The following HDGFL3 variants were observed in gnomAD, a reference collection of about 807,000 sequenced individuals.
HDGFL3 encodes the protein hepatoma-derived growth factor-related protein 3.
Under a neutral mutation model 27.6 loss-of-function variants are expected in HDGFL3, and 6 were observed. The observed-to-expected ratio is 0.22, with a 90% CI of 0.12 to 0.43. The LOEUF is 0.43. HDGFL3 is among the 20% of genes least tolerant of loss of function. HDGFL3 has a pLI of 1.00. For synonymous variants in HDGFL3, 88 were observed against 88.9 expected (o/e 0.99, Z 0.05); for missense variants, 207 against 250.1 (o/e 0.83, Z 1.16).
At chr15:83,172,348 C>T (rs925287721) in intron 1 of HDGFL3, among the ~76,000 whole-genome samples, 1 of 152,150 alleles carries the variant, frequency 6.6e-6, no homozygotes, top group Non-Finnish European at 1.5e-5. Flanking sequence ...ATAAATTTCA[C>T]AATTCATCCT....
At chr15:83,145,462 C>T (rs1165272290) in intron 5 of HDGFL3, among the ~76,000 whole-genome samples, 1 of 152,196 alleles carries the variant, frequency 6.6e-6, no homozygotes, top group Non-Finnish European at 1.5e-5. Context: ...CTGTAACCCT[C>T]TCAAATGGTA....
chr15:83,151,001 T>A (rs1038623423), intron 5 of HDGFL3, among the ~76,000 whole-genome samples: 1 of 152,184 alleles, frequency 6.6e-6, no homozygotes, highest in Non-Finnish European at 1.5e-5. Flanking sequence ...TTCATAGAGA[T>A]CCAAATTGAC....
chr15:83,153,788 A>C (rs1027366150), intron 4 of HDGFL3, among the ~76,000 whole-genome samples: 2 of 152,168 alleles, frequency 1.3e-5, no homozygotes, highest in African/African-American at 4.8e-5. Flanking sequence ...CTCAAATATG[A>C]ATAATCCATA....
At chr15:83,121,935 C>A in intron 3 of HDGFL3, 1 of 1,607,572 alleles carries the variant, frequency 6.2e-7, no homozygotes, top group Non-Finnish European at 8.5e-7. Flanking sequence ...ACTTATAGAA[C>A]CATTGGCCTA....
intron 5 of HDGFL3, among the ~76,000 whole-genome samples, chr15:83,140,703 A>C (rs1476803410): frequency 6.6e-6 from 1 of 152,112 alleles, no homozygotes; most frequent in African/African-American, 2.4e-5. Context: ...GCTGGTCTCA[A>C]ACTCCTGACC....
At chr15:83,127,572 G>C, downstream of HDGFL3, 1 of 1,381,160 alleles carries the variant, frequency 7.2e-7, no homozygotes, top group Non-Finnish European at 1.0e-6. Flanking sequence ...TTTAGACTAG[G>C]AGATAGCTAT....
At chr15:83,126,621 T>C (rs1216712066), downstream of HDGFL3, 6 of 643,998 alleles carry the variant, frequency 9.3e-6, no homozygotes, top group Admixed American at 2.7e-5. Context: ...CCATCATTGA[T>C]GAGCCTCTAC....
chr15:83,165,833 AC>A (rs1353695032), intron 1 of HDGFL3, among the ~76,000 whole-genome samples: 1 of 149,488 alleles, frequency 6.7e-6, no homozygotes, highest in African/African-American at 2.5e-5. Context: ...AAATAGACTG[AC>A]CAAGCAGATG....
intron 2 of HDGFL3, among the ~76,000 whole-genome samples, chr15:83,162,197 G>C (rs1230952398): frequency 1.3e-5 from 2 of 152,270 alleles, no homozygotes; most frequent in African/African-American, 4.8e-5. Flanking sequence ...AGTAGAGTAA[G>C]AAACACTGAC....
chr15:83,195,442 A>G (rs2037557693), intron 1 of HDGFL3, among the ~76,000 whole-genome samples: 1 of 145,992 alleles, frequency 6.8e-6, no homozygotes, highest in African/African-American at 2.5e-5. Context: ...AAAGAAAAAT[A>G]TTGTCATCGA....
chr15:83,153,130 G>C (rs912166477), intron 4 of HDGFL3, among the ~76,000 whole-genome samples: 5 of 151,650 alleles, frequency 3.3e-5, no homozygotes, highest in Admixed American at 6.6e-5. Flanking sequence ...CTCCCGAGTA[G>C]CTGGGACTAT....
rs1415376881 is a variant in HDGFL3, at chr15:83,137,490, G to A, written c.*1780C>T. On this transcript the variant is annotated 3_prime_UTR_variant, in exon 6 of 6. Transcript: ENST00000299633. Reference sequence around the variant, plus strand: ...CCCCTTATGTTTCAGTGTGAGCAATGAAGAGGTCTTTTGATGAATTAAATT... The same window carrying A: ...CCCCTTATGTTTCAGTGTGAGCAATAAAGAGGTCTTTTGATGAATTAAATT... 6.6e-6 allele frequency: 1 copy of A among 152,120 alleles called. No homozygotes were observed. Among genetic ancestry groups the A allele is most frequent in the Non-Finnish European group, 1.5e-5 (1 of 67,994 alleles). The allele number at this position is 152,120 out of a possible 1,614,324, so 9.4% of individuals were successfully genotyped here.
At position 83,130,477 on chromosome 15, in the gene HDGFL3, T is replaced by C. The variant is rs1305704350; in HGVS notation, c.*8793A>G. The C allele has an allele frequency of 6.6e-6, 1 of 152,178 alleles. No individual in the cohort carries two copies. Among genetic ancestry groups the C allele is most frequent in the Non-Finnish European group, 1.5e-5 (1 of 68,078 alleles). The allele number at this position is 152,178 out of a possible 1,614,324, so 9.4% of individuals were successfully genotyped here. A position where few individuals can be genotyped will look rare whatever the true frequency, so the allele number is the denominator to read the frequency against. On this transcript the variant is annotated 3_prime_UTR_variant, in exon 6 of 6. Coordinates refer to ENST00000299633, the MANE Select transcript of HDGFL3 (RefSeq NM_016073.4). ...AGTTGATAAGGCAGCCTGAAGCCCC[T>C]CTCTTGATGGTGAATGCCCAGATCC...
At chr15:83,181,404 G>T (rs767430780) in intron 1 of HDGFL3, among the ~76,000 whole-genome samples, 1 of 152,164 alleles carries the variant, frequency 6.6e-6, no homozygotes, top group South Asian at 2.1e-4. Flanking sequence ...AACACAGCTC[G>T]AATAGTTAAA....
chr15:83,127,719 G>A (rs1306654315), downstream of HDGFL3: 3 of 383,030 alleles, frequency 7.8e-6, no homozygotes, highest in Non-Finnish European at 1.4e-5. Flanking sequence ...GTCCAGTGAA[G>A]TTAAATGATT....
chr15:83,188,970 A>C (rs28373753), intron 1 of HDGFL3, among the ~76,000 whole-genome samples: 57,965 of 151,982 alleles, frequency 0.38, 13,100 homozygotes, highest in African/African-American at 0.64. Context: ...ATCCACCCAG[A>C]TGCCCTTACC....
intron 1 of HDGFL3, among the ~76,000 whole-genome samples, chr15:83,177,387 C>T (rs2037325603): frequency 6.6e-6 from 1 of 152,086 alleles, no homozygotes; most frequent in Non-Finnish European, 1.5e-5. Flanking sequence ...GGGTTGTTTG[C>T]TCATAAAGAC....
intron 1 of HDGFL3, among the ~76,000 whole-genome samples, chr15:83,205,455 T>G (rs531801200): frequency 1.1e-4 from 17 of 152,348 alleles, no homozygotes; most frequent in African/African-American, 4.1e-4. Context: ...TTTGCCTTAT[T>G]TGGAATTATC....
At chr15:83,169,519 A>T (rs1192044791) in intron 1 of HDGFL3, among the ~76,000 whole-genome samples, 1 of 151,012 alleles carries the variant, frequency 6.6e-6, no homozygotes, top group Non-Finnish European at 1.5e-5. Context: ...TAAAAACCCT[A>T]GGCCAGGCAC....
Sources: allele counts gnomAD v4.1 joint callset (sites outside exome capture counted in the v4.1 genomes callset), GRCh38; gene constraint gnomAD v4.1.1; transcripts MANE v1.5; gene names NCBI Gene and HGNC (gene_info 2026-07-23, HGNC 2026-07-21).